PTCHD1: variants seen among roughly 807,000 people sequenced by gnomAD.
The protein encoded by PTCHD1 is patched domain-containing protein 1.
Under a neutral mutation model 34.6 loss-of-function variants are expected in PTCHD1, and 3 were observed. That is an observed-to-expected ratio of 0.09 (90% CI 0.04 to 0.22). The LOEUF (loss-of-function observed/expected upper bound fraction) is 0.22. PTCHD1 is among the 10% of genes least tolerant of loss of function. The pLI, the probability that PTCHD1 is intolerant of heterozygous loss-of-function variation, is 1.00. For missense variants in PTCHD1, 504 were observed against 685.5 expected (o/e 0.74, Z 2.96); for synonymous variants, 305 against 283.1 (o/e 1.08, Z -0.77).
At position 23,393,577 on chromosome X, in the gene PTCHD1, G is replaced by T; in HGVS notation, c.2059G>T (p.Val687Leu). 8.3e-7 allele frequency: 1 copy of T among 1,210,782 alleles called. No homozygotes were observed. The highest frequency in any genetic ancestry group is 1.8e-5 in the South Asian group (1 of 56,912). Residue 687 changes from valine (V) to leucine (L), a missense_variant, in exon 3 of 3, where the codon GTA (valine) becomes TTA (leucine). Coordinates refer to ENST00000379361, the MANE Select transcript of PTCHD1 (RefSeq NM_173495.3). Reference protein sequence around the residue: ...VKFIVFNPSFVYMDRYASSLG... With the variant: ...VKFIVFNPSFLYMDRYASSLG... ...GTTCATCGTCTTCAATCCGTCCTTT[G>T]TATACATGGATCGATATGCCTCCTC...
intron 1 of PTCHD1, among the ~76,000 whole-genome samples, chrX:23,367,132 A>G (rs1001905561): frequency 4.4e-5 from 5 of 112,379 alleles, no homozygotes; most frequent in Admixed American, 9.4e-5. Flanking sequence ...TTACTTGAAG[A>G]TAAAGTTATG....
rs1333025903 is a variant in PTCHD1 at position 23,342,290 on chromosome X, ATATATATATATATATATATATTTTT to A, written c.351+7066_351+7090del. Among the ~76,000 whole-genome samples, 19 of 5,987 alleles carry A rather than the reference ATATATATATATATATATATATTTTT, an allele frequency of 3.2e-3. No homozygotes were observed. The African/African-American group carries it at 0.036, about 11-fold the overall frequency. The allele number at this position is 5,987 out of a possible 115,157, so 5.2% of individuals were successfully genotyped here. A position where few individuals can be genotyped will look rare whatever the true frequency, so the allele number is the denominator to read the frequency against. Reference sequence around the variant, plus strand: ...CCTATATATATATATATATATATATATATATATATATATATATATATTTTTTTTTTTTTTTTTTTTTTAAAAGAAT... The same window carrying A: ...CCTATATATATATATATATATATATATTTTTTTTTTTTTTTTTAAAAGAAT... On this transcript the variant is annotated intron_variant, in intron 1 of 2. Coordinates refer to ENST00000379361, the MANE Select transcript of PTCHD1 (RefSeq NM_173495.3).
rs376325823 is a variant in PTCHD1 at position 23,335,348 on chromosome X, C to T, written c.351+122C>T. On this transcript the variant is annotated intron_variant, in intron 1 of 2. Coordinates refer to ENST00000379361, the MANE Select transcript of PTCHD1 (RefSeq NM_173495.3). ...AGCCCAGGCAGCTGCCGCAGGGACT[C>T]TCCTGCACCGCGCGCCCCAGGGCGG... is the stretch of plus-strand genomic sequence containing the variant. 1.3e-4 allele frequency: 72 copies of T among 569,519 alleles called. No homozygotes were observed. The East Asian group carries it at 1.7e-3, about 14-fold the overall frequency. The allele number at this position is 569,519 out of a possible 1,213,427, so 46.9% of individuals were successfully genotyped here. A position where few individuals can be genotyped will look rare whatever the true frequency, so the allele number is the denominator to read the frequency against.
chrX:23,351,551 A>C, intron 1 of PTCHD1: 1 of 292,414 alleles, frequency 3.4e-6, no homozygotes, highest in Non-Finnish European at 6.2e-6. Context: ...CATGAAACCT[A>C]GGTTTAAAAA....
intron 2 of PTCHD1, among the ~76,000 whole-genome samples, chrX:23,389,535 G>T (rs1237699653): frequency 8.9e-6 from 1 of 112,174 alleles, no homozygotes; most frequent in African/African-American, 3.2e-5. Context: ...GGATTCGGGT[G>T]TAGCAATCTG....
rs1030610246 is a variant in PTCHD1, at chrX:23,373,576, C to G, written c.352-6015C>G. On this transcript the variant is annotated intron_variant, in intron 1 of 2. Transcript: ENST00000379361. ...CTGCACTACAAATGAATCACGGTAACAATCCCTAACTTGCGACTTCTGGTG... is the reference window on the plus strand; with the variant it reads ...CTGCACTACAAATGAATCACGGTAAGAATCCCTAACTTGCGACTTCTGGTG... 2.0e-4 allele frequency among the ~76,000 whole-genome samples: 22 copies of G among 112,732 alleles called. No individual in the cohort carries two copies. The Admixed American group carries it at 2.1e-3, about 11-fold the overall frequency.
At chrX:23,362,273 A>C (rs145521148) in intron 1 of PTCHD1, among the ~76,000 whole-genome samples, 3,372 of 111,992 alleles carry the variant, frequency 0.03, 140 homozygotes, top group African/African-American at 0.1. Flanking sequence ...TCTCCCCGTC[A>C]CTTTCAGGTA....
intron 1 of PTCHD1, among the ~76,000 whole-genome samples, chrX:23,346,543 T>A (rs983298125): frequency 4.1e-4 from 46 of 111,931 alleles, no homozygotes; most frequent in African/African-American, 1.5e-3. Context: ...GATGAATAAT[T>A]TAGTCAGATA....
chrX:23,340,513 C>T (rs771498219), intron 1 of PTCHD1, among the ~76,000 whole-genome samples: 1 of 112,250 alleles, frequency 8.9e-6, no homozygotes, highest in East Asian at 2.8e-4. Flanking sequence ...CAGCAGCAGT[C>T]GCCCACTTAG....
intron 2 of PTCHD1, among the ~76,000 whole-genome samples, chrX:23,389,586 G>A (rs1214191332): frequency 8.9e-6 from 1 of 112,025 alleles, no homozygotes; most frequent in East Asian, 2.8e-4. Context: ...GACCTATCAG[G>A]AATGGTGGTC....
At chrX:23,380,466 C>A in intron 2 of PTCHD1, 1 of 474,823 alleles carries the variant, frequency 2.1e-6, no homozygotes, top group Non-Finnish European at 3.7e-6. Flanking sequence ...TGGGTTCTAG[C>A]GCTGACTCTC....
chrX:23,334,780 GCGCCGCTGCCGCCGCCGCCGC>G (rs1429211487), upstream of PTCHD1: 18 of 266,360 alleles, frequency 6.8e-5, no homozygotes, highest in Non-Finnish European at 8.4e-5. Context: ...GCCGCCGCGG[GCGCCGCTGCCGCCGCCGCCGC>G]CGCCGCCGCC....
chrX:23,376,298 G>A (rs1191721559), intron 1 of PTCHD1, among the ~76,000 whole-genome samples: 2 of 112,101 alleles, frequency 1.8e-5, no homozygotes, highest in Non-Finnish European at 3.8e-5. Context: ...AGTTTGTGTC[G>A]TTTTTTCCTT....
Position 23,394,409 on chromosome X carries a change from GACACACACACACAC to G in PTCHD1, c.*253_*266del, listed in dbSNP as rs34539351. ...TGTTATGAGAATTCACACACACATA[GACACACACACACAC>G]ACACACACACACACACACACACACA... On this transcript the variant is annotated 3_prime_UTR_variant, in exon 3 of 3. Coordinates refer to ENST00000379361, the MANE Select transcript of PTCHD1 (RefSeq NM_173495.3). The G allele has an allele frequency of 6.8e-4, 137 of 200,313 alleles. No individual in the cohort carries two copies. Among genetic ancestry groups the G allele is most frequent in the African/African-American group, 2.3e-3 (63 of 27,346 alleles). The allele number at this position is 200,313 out of a possible 1,213,427, so 16.5% of individuals were successfully genotyped here.
In PTCHD1 at chrX:23,401,982, T is replaced by A. The variant is rs1923135305; in HGVS notation, c.*7797T>A. On this transcript the variant is annotated 3_prime_UTR_variant, in exon 3 of 3. Transcript: ENST00000379361. Reference sequence around the variant, plus strand: ...TAGCATAGACCCAAAACGACAGAGATCTCTTCCAAGGTATGGAATTGTGGA... The same window carrying A: ...TAGCATAGACCCAAAACGACAGAGAACTCTTCCAAGGTATGGAATTGTGGA... 1 of 112,406 alleles carries A rather than the reference T, an allele frequency of 8.9e-6. No homozygotes were observed. Among genetic ancestry groups the A allele is most frequent in the African/African-American group, 3.2e-5 (1 of 30,911 alleles). The allele number at this position is 112,406 out of a possible 1,213,427, so 9.3% of individuals were successfully genotyped here.
chrX:23,398,253 C>T lies in PTCHD1; in HGVS notation c.*4068C>T, dbSNP rs1923039639. 9.0e-6 allele frequency: 1 copy of T among 111,189 alleles called. No homozygotes were observed. The highest frequency in any genetic ancestry group is 1.9e-5 in the Non-Finnish European group (1 of 53,036). The allele number at this position is 111,189 out of a possible 1,213,427, so 9.2% of individuals were successfully genotyped here. On this transcript the variant is annotated 3_prime_UTR_variant, in exon 3 of 3. Coordinates refer to ENST00000379361, the MANE Select transcript of PTCHD1 (RefSeq NM_173495.3). ...AATCTCGCACAGTAGCATTAGGGCT[C>T]GGGATGTAAAGCTACTGAGAAGTAG...
chrX:23,383,683 A>G lies in PTCHD1; in HGVS notation c.1012+3432A>G, dbSNP rs137909116. Reference sequence around the variant, plus strand: ...AGTGTTGTGCATACTAGACAATCCCACTTCTGCCAAAACCTCTGTCCAGAT... The same window carrying G: ...AGTGTTGTGCATACTAGACAATCCCGCTTCTGCCAAAACCTCTGTCCAGAT... On this transcript the variant is annotated intron_variant, in intron 2 of 2. Coordinates refer to ENST00000379361, the MANE Select transcript of PTCHD1 (RefSeq NM_173495.3). 1.5e-4 allele frequency among the ~76,000 whole-genome samples: 17 copies of G among 111,775 alleles called. No individual in the cohort carries two copies. In the East Asian group the frequency reaches 4.8e-3, roughly 31 times the overall value.
chrX:23,393,444 A>C lies in PTCHD1; in HGVS notation c.1926A>C (p.Val642=), dbSNP rs1428127966. 2 of 1,208,242 alleles carry C rather than the reference A, an allele frequency of 1.7e-6. No homozygotes were observed. The highest frequency in any genetic ancestry group is 2.2e-5 in the Admixed American group (1 of 45,825). The change falls in exon 3 of 3, where the codon GTA becomes GTC. Residue 642 remains valine (V), a synonymous_variant. Transcript: ENST00000379361. ...AAAAATACAATGATGAGGTCGATGT[A>C]GTGGCCTCCAGAATGTTTTTGGTGG... ...FSKKYNDEVD[V]VASRMFLVAK...
intron 1 of PTCHD1, among the ~76,000 whole-genome samples, chrX:23,374,010 T>C (rs1264214297): frequency 9.0e-6 from 1 of 110,894 alleles, no homozygotes. Flanking sequence ...GCAGCTTATT[T>C]GGGAGTAGAA....
Sources: allele counts gnomAD v4.1 joint callset (sites outside exome capture counted in the v4.1 genomes callset), GRCh38; gene constraint gnomAD v4.1.1; transcripts MANE v1.5; gene names NCBI Gene and HGNC (gene_info 2026-07-23, HGNC 2026-07-21).